The following GRIP1 variants were observed in gnomAD, a reference collection of about 807,000 sequenced individuals.
The protein encoded by GRIP1 is glutamate receptor interacting protein 1, also known as glutamate receptor-interacting protein 1.
Under a neutral mutation model 129.9 loss-of-function variants are expected in GRIP1, and 45 were observed. The ratio of observed to expected loss-of-function variants is 0.35; its 90% CI spans 0.27 to 0.44. The LOEUF is 0.44. Ranked by LOEUF, GRIP1 falls within the 20% of genes least tolerant of loss-of-function variation. The pLI, the probability that GRIP1 is intolerant of heterozygous loss-of-function variation, is 1.00. For missense variants in GRIP1, 1,196 were observed against 1,396.8 expected (o/e 0.86, Z 2.29); for synonymous variants, 530 against 520.8 (o/e 1.02, Z -0.24).
intron 1 of GRIP1, among the ~76,000 whole-genome samples, chr12:66,822,849 G>A (rs1446722629): frequency 6.6e-6 from 1 of 152,200 alleles, no homozygotes; most frequent in South Asian, 2.1e-4. Flanking sequence ...GAAAGGGAAA[G>A]GAGCAAAGGT....
intron 1 of GRIP1, among the ~76,000 whole-genome samples, chr12:66,983,490 AT>A (rs1193661681): frequency 6.6e-6 from 1 of 152,114 alleles, no homozygotes; most frequent in African/African-American, 2.4e-5. Flanking sequence ...TCTTAGCAAT[AT>A]TTTTTTAAAA....
intron 2 of GRIP1, among the ~76,000 whole-genome samples, chr12:66,573,432 G>T (rs754862000): frequency 2.6e-5 from 4 of 152,154 alleles, no homozygotes; most frequent in Non-Finnish European, 4.4e-5. Context: ...TAAATTTGTA[G>T]TAATATTGTT....
rs76853053 is a variant in GRIP1, at chr12:66,589,075, C to T, written c.136+7772G>A. Among the ~76,000 whole-genome samples the T allele has an allele frequency of 5.2e-3, 794 of 151,958 alleles. 26 individuals carry two copies. In the East Asian group the frequency reaches 0.089, roughly 17 times the overall value. The stretch of plus-strand genomic sequence containing the variant: ...GGAATTAATAAAACTTATTTTCCCC[C>T]GGTGATGTTTCTGAGGAAGAAATGA... On this transcript the variant is annotated intron_variant, in intron 2 of 24. Transcript: ENST00000359742.
At chr12:66,911,487 T>C (rs1322523905) in intron 1 of GRIP1, among the ~76,000 whole-genome samples, 1 of 152,132 alleles carries the variant, frequency 6.6e-6, no homozygotes, top group African/African-American at 2.4e-5. Context: ...CCTTTGTTTA[T>C]AATTATTATA....
chr12:66,797,594 G>T (rs367845140), intron 1 of GRIP1, among the ~76,000 whole-genome samples: 42 of 152,078 alleles, frequency 2.8e-4, no homozygotes, highest in African/African-American at 9.2e-4. Context: ...AGTTTCCATC[G>T]GTGGCATTTA....
intron 7 of GRIP1, among the ~76,000 whole-genome samples, chr12:66,479,022 G>T (rs962128328): frequency 6.7e-6 from 1 of 148,612 alleles, no homozygotes; most frequent in East Asian, 2.0e-4. Flanking sequence ...AGAACCTAAA[G>T]TATAATAAAA....
At chr12:66,878,662 C>A (rs562090994) in intron 1 of GRIP1, among the ~76,000 whole-genome samples, 144 of 152,146 alleles carry the variant, frequency 9.5e-4, no homozygotes, top group African/African-American at 2.7e-3. Context: ...CCGTTTTAGG[C>A]AGCAGGGAAA....
intron 7 of GRIP1, 125 bp from the exon 8 acceptor site, chr12:66,465,547 C>T: frequency 1.3e-6 from 1 of 791,950 alleles, no homozygotes; most frequent in Non-Finnish European, 2.1e-6. Context: ...ACTTAGATTT[C>T]CCTCCATATA....
At chr12:66,356,411 G>T (rs1181843669) in intron 23 of GRIP1, among the ~76,000 whole-genome samples, 1 of 152,132 alleles carries the variant, frequency 6.6e-6, no homozygotes, top group Non-Finnish European at 1.5e-5. Flanking sequence ...CTAGCACACA[G>T]TTGTTTAATA....
chr12:66,389,718 G>T (rs533133594), intron 19 of GRIP1, among the ~76,000 whole-genome samples: 1 of 152,200 alleles, frequency 6.6e-6, no homozygotes, highest in South Asian at 2.1e-4. Flanking sequence ...TCATTGATCA[G>T]TTCTCCTGTC....
chr12:67,068,529 C>G (rs2043671311), intron 1 of GRIP1, among the ~76,000 whole-genome samples: 1 of 152,098 alleles, frequency 6.6e-6, no homozygotes, highest in East Asian at 1.9e-4. Flanking sequence ...CTACGCTCTT[C>G]CTTCTCCTCT....
intron 13 of GRIP1, among the ~76,000 whole-genome samples, chr12:66,435,387 G>C (rs781393545): frequency 3.4e-4 from 51 of 152,156 alleles, no homozygotes; most frequent in Non-Finnish European, 5.6e-4. Flanking sequence ...ATTTTCTGTA[G>C]AGATGGGGTT....
At chr12:66,493,719 G>T (rs1392104828) in intron 7 of GRIP1, among the ~76,000 whole-genome samples, 1 of 152,204 alleles carries the variant, frequency 6.6e-6, no homozygotes, top group Non-Finnish European at 1.5e-5. Flanking sequence ...GAGAGACTTA[G>T]CTAAAGGGCA....
At chr12:66,873,872 C>T (rs1277332596) in intron 1 of GRIP1, among the ~76,000 whole-genome samples, 7 of 152,002 alleles carry the variant, frequency 4.6e-5, no homozygotes, top group Admixed American at 4.6e-4. Context: ...TGATCTTTCC[C>T]ACTGAGCAGA....
intron 24 of GRIP1, among the ~76,000 whole-genome samples, chr12:66,352,800 G>A (rs1305966463): frequency 6.7e-6 from 1 of 150,094 alleles, no homozygotes; most frequent in Non-Finnish European, 1.5e-5. Context: ...CCTCCAATTA[G>A]TTAGCAAATT....
intron 8 of GRIP1, 75 bp from the exon 9 acceptor site, chr12:66,463,168 T>A: frequency 2.4e-6 from 3 of 1,249,814 alleles, no homozygotes; most frequent in Non-Finnish European, 3.5e-6. Context: ...CCTTCATAGT[T>A]AAAATTTCAC....
At chr12:66,685,956 C>T (rs1439743481) in intron 1 of GRIP1, among the ~76,000 whole-genome samples, 1 of 152,070 alleles carries the variant, frequency 6.6e-6, no homozygotes, top group African/African-American at 2.4e-5. Context: ...GTTCAATAAA[C>T]TTTTGTCGAA....
At chr12:66,544,539 T>C (rs147472499) in intron 2 of GRIP1, among the ~76,000 whole-genome samples, 112 of 152,270 alleles carry the variant, frequency 7.4e-4, no homozygotes, top group African/African-American at 2.6e-3. Context: ...AATTTTGTCT[T>C]CTAGCCAATC....
At chr12:66,379,472 G>A (rs749778356) in intron 19 of GRIP1, 36 bp from the exon 20 acceptor site, 34 of 1,603,852 alleles carry the variant, frequency 2.1e-5, no homozygotes, top group Non-Finnish European at 2.7e-5. Context: ...TTGGGCCCAA[G>A]GATTACTTAA....
Sources: allele counts gnomAD v4.1 joint callset (sites outside exome capture counted in the v4.1 genomes callset), GRCh38; gene constraint gnomAD v4.1.1; transcripts MANE v1.5; gene names NCBI Gene and HGNC (gene_info 2026-07-23, HGNC 2026-07-21).